The following DOCK1 variants were observed in gnomAD, a reference collection of about 807,000 sequenced individuals.
The protein encoded by DOCK1 is dedicator of cytokinesis protein 1.
Under a neutral mutation model 262.7 loss-of-function variants are expected in DOCK1, and 138 were observed. The ratio of observed to expected loss-of-function variants is 0.53; its 90% CI spans 0.46 to 0.61. The LOEUF is 0.61. Among genes scored for constraint, DOCK1 ranks in the 20% least tolerant of loss-of-function variants. DOCK1 has a pLI of 0.00. For missense variants in DOCK1, 1,908 were observed against 2,370.7 expected (o/e 0.80, Z 4.05); for synonymous variants, 866 against 867.4 (o/e 1.00, Z 0.03).
intron 24 of DOCK1, among the ~76,000 whole-genome samples, chr10:127,109,175 A>G (rs922196381): frequency 6.6e-6 from 1 of 152,176 alleles, no homozygotes; most frequent in Non-Finnish European, 1.5e-5. Flanking sequence ...GGTAAAACCA[A>G]CATTCTACCA....
At chr10:127,069,897 A>C (rs1206212184) in intron 23 of DOCK1, among the ~76,000 whole-genome samples, 1 of 152,190 alleles carries the variant, frequency 6.6e-6, no homozygotes, top group East Asian at 1.9e-4. Flanking sequence ...AGCTTAAAAC[A>C]GTGGTTTTTT....
Position 127,116,476 on chromosome 10 carries a change from T to C in DOCK1, c.2623+6122T>C, listed in dbSNP as rs573804236. Among the ~76,000 whole-genome samples the C allele has an allele frequency of 9.2e-5, 14 of 152,270 alleles. No individual in the cohort carries two copies. In the East Asian group the frequency reaches 2.7e-3, roughly 29 times the overall value. On this transcript the variant is annotated intron_variant, in intron 25 of 51. Coordinates refer to ENST00000623213, the MANE Select transcript of DOCK1 (RefSeq NM_001290223.2). Reference sequence around the variant, plus strand: ...TACTGGGACTAGCTATTAGGAAATATTGAAGTCAGATTTCTACACTATTAT... The same window carrying C: ...TACTGGGACTAGCTATTAGGAAATACTGAAGTCAGATTTCTACACTATTAT...
At chr10:127,023,759 C>T (rs866024662) in intron 14 of DOCK1, among the ~76,000 whole-genome samples, 1 of 152,148 alleles carries the variant, frequency 6.6e-6, no homozygotes, top group Non-Finnish European at 1.5e-5. Context: ...GTCTTGACCA[C>T]CTTTGCCCAA....
intron 27 of DOCK1, among the ~76,000 whole-genome samples, chr10:127,187,592 G>T (rs777428537): frequency 2.0e-5 from 3 of 152,208 alleles, no homozygotes; most frequent in Non-Finnish European, 4.4e-5. Flanking sequence ...GAAAATCCAG[G>T]GGGTGGCTGT....
intron 14 of DOCK1, among the ~76,000 whole-genome samples, chr10:127,024,201 T>C (rs2042657187): frequency 6.6e-6 from 1 of 152,164 alleles, no homozygotes; most frequent in Non-Finnish European, 1.5e-5. Context: ...TATGTCTTTC[T>C]CTCTGGGTGA....
chr10:127,092,639 G>A (rs1190895238), intron 23 of DOCK1, among the ~76,000 whole-genome samples: 3 of 151,772 alleles, frequency 2.0e-5, no homozygotes, highest in African/African-American at 7.3e-5. Context: ...CCACCACCAC[G>A]CCTGGATAAT....
At chr10:127,362,953 ATGTG>A (rs1565027112) in intron 33 of DOCK1, among the ~76,000 whole-genome samples, 66 of 79,120 alleles carry the variant, frequency 8.3e-4, no homozygotes, top group Admixed American at 1.6e-3. Flanking sequence ...ACACATACAC[ATGTG>A]CATCCCCACA....
At chr10:127,251,487 C>A (rs1201398896) in intron 28 of DOCK1, among the ~76,000 whole-genome samples, 1 of 150,750 alleles carries the variant, frequency 6.6e-6, no homozygotes, top group East Asian at 2.0e-4. Flanking sequence ...CCCAATAACT[C>A]GTCATTTAGA....
chr10:127,399,049 GAGA>G (rs1287006025), intron 38 of DOCK1, among the ~76,000 whole-genome samples: 1 of 152,210 alleles, frequency 6.6e-6, no homozygotes, highest in Non-Finnish European at 1.5e-5. Context: ...GAAGAATAGA[GAGA>G]AGATTATCAT....
Position 127,012,237 on chromosome 10 carries a change from C to T in DOCK1, c.1064C>T (p.Ala355Val), listed in dbSNP as rs574084758. 8.2e-6 allele frequency: 13 copies of T among 1,581,526 alleles called. 1 individual carries two copies. The highest frequency in any genetic ancestry group is 3.3e-5 in the Admixed American group (2 of 59,902). The stretch of plus-strand genomic sequence containing the variant: ...GGTCGTCCCGTGCCCTCCAGGCTCG[C>T]GTTGGACGACGCCATTCGACACAAG... ...KQHFIPFQPL[A>V]LDDAIRHKPL... is the part of the protein sequence containing the mutation. Residue 355 changes from alanine to valine, a missense_variant, in exon 12 of 52, where the codon GCG becomes GTG. By Grantham distance (64) the Ala-to-Val change is moderately conservative. Around this residue, in one of 9 missense-constraint regions of DOCK1, gnomAD observed 102 missense variants for 154.9 expected, o/e 0.66. Transcript: ENST00000623213. This position sits in a 1 kb window ranked among gnomAD's most constrained non-coding sequence, Gnocchi z 4.0.
intron 23 of DOCK1, among the ~76,000 whole-genome samples, chr10:127,090,983 G>GGTT (rs1380593983): frequency 1.7e-4 from 23 of 137,204 alleles, no homozygotes; most frequent in African/African-American, 5.7e-4. Flanking sequence ...CGTCTATTTG[G>GGTT]TTTTTTTTTT....
chr10:127,403,466 A>C (rs2134323335), intron 39 of DOCK1, among the ~76,000 whole-genome samples: 1 of 152,352 alleles, frequency 6.6e-6, no homozygotes, highest in South Asian at 2.1e-4. Flanking sequence ...TACTAGTTTA[A>C]AACTGACCCC....
chr10:127,207,483 G>A (rs1327229013), intron 27 of DOCK1, among the ~76,000 whole-genome samples: 2 of 152,168 alleles, frequency 1.3e-5, no homozygotes, highest in Non-Finnish European at 2.9e-5. Flanking sequence ...TAACACTTTT[G>A]GAAGACTTGG....
At chr10:127,228,696 A>G (rs927092171) in intron 27 of DOCK1, among the ~76,000 whole-genome samples, 3 of 152,202 alleles carry the variant, frequency 2.0e-5, no homozygotes, top group Admixed American at 6.5e-5. Flanking sequence ...TTTTCTGTCA[A>G]ACGCAAAGCC....
At chr10:127,251,936 A>G (rs561479020) in intron 28 of DOCK1, among the ~76,000 whole-genome samples, 2 of 152,150 alleles carry the variant, frequency 1.3e-5, no homozygotes, top group South Asian at 4.2e-4. Flanking sequence ...TTCTAGTTCT[A>G]GATCCCTGAG....
intron 38 of DOCK1, among the ~76,000 whole-genome samples, chr10:127,398,265 A>G (rs2067030998): frequency 6.6e-6 from 1 of 152,186 alleles, no homozygotes; most frequent in South Asian, 2.1e-4. Context: ...GGCTTGGCTC[A>G]AGGAAAAAGC....
At chr10:127,241,337 AATTATT>A (rs2134696666) in intron 27 of DOCK1, among the ~76,000 whole-genome samples, 1 of 151,976 alleles carries the variant, frequency 6.6e-6, no homozygotes, top group Admixed American at 6.5e-5. Flanking sequence ...TAACAATAAT[AATTATT>A]ATTATTGTAG....
At chr10:126,986,057 T>C (rs2039362410) in intron 4 of DOCK1, among the ~76,000 whole-genome samples, 1 of 152,124 alleles carries the variant, frequency 6.6e-6, no homozygotes. Flanking sequence ...TTTCACCATG[T>C]TGGCCAGGCT....
intron 29 of DOCK1, among the ~76,000 whole-genome samples, chr10:127,298,458 T>C (rs1001193584): frequency 2.0e-5 from 3 of 152,206 alleles, no homozygotes; most frequent in Non-Finnish European, 4.4e-5. Flanking sequence ...GAGGGAGTTT[T>C]CCCTTCATTT....
Sources: allele counts gnomAD v4.1 joint callset (sites outside exome capture counted in the v4.1 genomes callset), GRCh38; gene constraint gnomAD v4.1.1; regional missense constraint gnomAD v4.1.1; non-coding constraint Gnocchi (gnomAD v3.1); transcripts MANE v1.5; gene names NCBI Gene and HGNC (gene_info 2026-07-23, HGNC 2026-07-21).